The following GABRA2 variants were observed in gnomAD, a reference collection of about 807,000 sequenced individuals.
GABRA2 encodes gamma-aminobutyric acid type A receptor subunit alpha2, also known as gamma-aminobutyric acid receptor subunit alpha-2.
GABRA2 carries 16 observed loss-of-function variants against 48.7 expected under a neutral mutation model. The observed-to-expected ratio is 0.33, with a 90% CI of 0.22 to 0.50. The LOEUF (loss-of-function observed/expected upper bound fraction) is 0.50. GABRA2 is among the 20% of genes least tolerant of loss of function. The probability of loss-of-function intolerance (pLI) is 0.98; values close to 1 mark genes in which losing one functional copy is unlikely to be tolerated. For missense variants in GABRA2, 275 were observed against 535.6 expected, an observed-to-expected ratio of 0.51 and a Z score of 4.80; for synonymous variants, 185 against 184.5, an observed-to-expected ratio of 1.00 and a Z score of -0.02.
At chr4:46,251,395 A>AT (rs906862892) in intron 9 of GABRA2, among the ~76,000 whole-genome samples, 117 of 150,548 alleles carry the variant, frequency 7.8e-4, no homozygotes, top group African/African-American at 2.6e-3. Context: ...TGAAAACAAC[A>AT]TTTTTTTTTA....
At chr4:46,355,999 T>C (rs1025510040) in intron 3 of GABRA2, among the ~76,000 whole-genome samples, 2 of 152,204 alleles carry the variant, frequency 1.3e-5, no homozygotes, top group African/African-American at 4.8e-5. Flanking sequence ...TGGACTCATA[T>C]CCATCTTCAC....
In GABRA2 at chr4:46,386,198, A is replaced by T; in HGVS notation, c.72-9T>A. ...TGTTAGCCAGCACCAACCTAAACAG[A>T]TAATTTTAAAAGCTGATATATATAC... On this transcript the variant is annotated splice_polypyrimidine_tract_variant and intron_variant, in intron 2 of 9. Transcript: ENST00000381620. 1 of 1,527,732 alleles carries T rather than the reference A, an allele frequency of 6.5e-7. No homozygotes were observed. The highest frequency in any genetic ancestry group is 9.0e-7 in the Non-Finnish European group (1 of 1,109,758). 94.6% of individuals were successfully genotyped at this position (1,527,732 alleles called of 1,614,324 possible).
intron 9 of GABRA2, among the ~76,000 whole-genome samples, chr4:46,258,726 GA>G (rs1716352478): frequency 6.6e-6 from 1 of 151,748 alleles, no homozygotes; most frequent in Admixed American, 6.6e-5. Context: ...GAAAAGAAGA[GA>G]AAAAGTTGCT....
At chr4:46,304,321 T>C (rs2109632370) in intron 7 of GABRA2, among the ~76,000 whole-genome samples, 1 of 152,314 alleles carries the variant, frequency 6.6e-6, no homozygotes, top group South Asian at 2.1e-4. Flanking sequence ...CTGTTGCCAA[T>C]TCTGAATTTC....
chr4:46,366,497 G>GAGAC, intron 3 of GABRA2: 1 of 152,166 alleles, frequency 6.6e-6, no homozygotes, highest in African/African-American at 2.4e-5. Context: ...CCTGATTGAT[G>GAGAC]AGACTCTGGA....
chr4:46,347,952 C>T (rs1734424565), intron 3 of GABRA2, among the ~76,000 whole-genome samples: 1 of 151,958 alleles, frequency 6.6e-6, no homozygotes, highest in Non-Finnish European at 1.5e-5. Context: ...AGAGCTTCTG[C>T]ATAGTAAAAG....
chr4:46,318,137 AT>A (rs1728853770), intron 4 of GABRA2, among the ~76,000 whole-genome samples: 1 of 151,374 alleles, frequency 6.6e-6, no homozygotes, highest in Non-Finnish European at 1.5e-5. Context: ...TTTAAGAAAA[AT>A]ATTAAAAAAT....
chr4:46,327,344 T>C (rs1183411005), intron 4 of GABRA2, among the ~76,000 whole-genome samples: 2 of 151,996 alleles, frequency 1.3e-5, no homozygotes, highest in South Asian at 4.1e-4. Flanking sequence ...TAAGTATCTA[T>C]AAATCACATT....
At chr4:46,277,262 G>A (rs1051322644) in intron 8 of GABRA2, among the ~76,000 whole-genome samples, 2 of 152,124 alleles carry the variant, frequency 1.3e-5, no homozygotes, top group African/African-American at 4.8e-5. Context: ...AATTGGCAGT[G>A]AGCTAACTGG....
At chr4:46,326,486 A>G (rs895391236) in intron 4 of GABRA2, among the ~76,000 whole-genome samples, 10 of 150,164 alleles carry the variant, frequency 6.7e-5, no homozygotes, top group African/African-American at 2.2e-4. Context: ...GGAATAAGAC[A>G]GTGGTCTCTG....
chr4:46,388,546 A>G, intron 2 of GABRA2, 90 bp downstream of exon 2: 1 of 1,483,524 alleles, frequency 6.7e-7, no homozygotes. Flanking sequence ...TAATTCTTTA[A>G]AACACCCTTG....
At chr4:46,359,215 ATACTCT>A (rs1712730271) in intron 3 of GABRA2, among the ~76,000 whole-genome samples, 1 of 152,148 alleles carries the variant, frequency 6.6e-6, no homozygotes, top group African/African-American at 2.4e-5. Context: ...ATTTAGGGAG[ATACTCT>A]TAAACTAAAT....
intron 3 of GABRA2, among the ~76,000 whole-genome samples, chr4:46,350,919 G>C (rs894252877): frequency 1.3e-5 from 2 of 151,996 alleles, no homozygotes; most frequent in Non-Finnish European, 2.9e-5. Flanking sequence ...GGTGTAGGAG[G>C]TAAGAGATAG....
At chr4:46,271,160 G>A (rs535568261) in intron 8 of GABRA2, among the ~76,000 whole-genome samples, 1 of 152,076 alleles carries the variant, frequency 6.6e-6, no homozygotes, top group Non-Finnish European at 1.5e-5. Flanking sequence ...AAACAGGCAC[G>A]AAAGACTGCA....
At chr4:46,328,289 T>C (rs1730733265) in intron 4 of GABRA2, among the ~76,000 whole-genome samples, 1 of 123,036 alleles carries the variant, frequency 8.1e-6, no homozygotes, top group Admixed American at 8.5e-5. Flanking sequence ...TGTGTGTGTG[T>C]GTGTGTGCGC....
intron 8 of GABRA2, among the ~76,000 whole-genome samples, chr4:46,280,206 C>CAGAAATCGT (rs1330718062): frequency 6.6e-6 from 1 of 151,946 alleles, no homozygotes; most frequent in African/African-American, 2.4e-5. Flanking sequence ...GCAGAAGAGT[C>CAGAAATCGT]AGAAATCGTG....
At chr4:46,365,400 C>T (rs1165774588) in intron 3 of GABRA2, 1 of 152,096 alleles carries the variant, frequency 6.6e-6, no homozygotes, top group Non-Finnish European at 1.5e-5. Flanking sequence ...TAAAGACTAT[C>T]AAACTCCATG....
chr4:46,271,762 T>A (rs748984218), intron 8 of GABRA2, among the ~76,000 whole-genome samples: 8 of 151,840 alleles, frequency 5.3e-5, no homozygotes, highest in Non-Finnish European at 1.2e-4. Context: ...TATCACGGAT[T>A]TAATTTATCC....
chr4:46,334,891 C>T (rs1166082831), intron 3 of GABRA2, among the ~76,000 whole-genome samples: 2 of 152,172 alleles, frequency 1.3e-5, no homozygotes, highest in Non-Finnish European at 2.9e-5. Context: ...GCAAGCCAAA[C>T]ACTGACGATG....
Sources: allele counts gnomAD v4.1 joint callset (sites outside exome capture counted in the v4.1 genomes callset), GRCh38; gene constraint gnomAD v4.1.1; transcripts MANE v1.5; gene names NCBI Gene and HGNC (gene_info 2026-07-23, HGNC 2026-07-21).